AGBL1: variants seen among roughly 807,000 people sequenced by gnomAD.
AGBL1 encodes AGBL carboxypeptidase 1.
Under a neutral mutation model 118.9 loss-of-function variants are expected in AGBL1, and 130 were observed. The ratio of observed to expected loss-of-function variants is 1.09; its 90% CI spans 0.95 to 1.26. The LOEUF (loss-of-function observed/expected upper bound fraction) is 1.26. Ranked by LOEUF, AGBL1 falls within the 50% of genes most tolerant of loss-of-function variation. The probability of loss-of-function intolerance (pLI) is 0.00; values close to 1 mark genes in which losing one functional copy is unlikely to be tolerated. For missense variants in AGBL1, 1,584 were observed against 1,298.1 expected (o/e 1.22, Z -3.38); for synonymous variants, 555 against 478.9 (o/e 1.16, Z -2.08).
Position 86,999,706 on chromosome 15 carries a change from C to T in AGBL1, c.3323+11618C>T, listed in dbSNP as rs148502673. 3.6e-4 allele frequency among the ~76,000 whole-genome samples: 54 copies of T among 151,608 alleles called. No individual in the cohort carries two copies. In the East Asian group the frequency reaches 7.2e-3, roughly 20 times the overall value. On this transcript the variant is annotated intron_variant, in intron 24 of 24. Coordinates refer to the AGBL1 transcript ENST00000441037. ...AAACACACGGGTGCATGTGTCTTTACAGCAGCATGATTTATAGTCATTTGG... is the reference window on the plus strand; with the variant it reads ...AAACACACGGGTGCATGTGTCTTTATAGCAGCATGATTTATAGTCATTTGG...
At chr15:86,684,589 G>T (rs2086021618) in intron 22 of AGBL1, among the ~76,000 whole-genome samples, 1 of 151,794 alleles carries the variant, frequency 6.6e-6, no homozygotes, top group Admixed American at 6.6e-5. Flanking sequence ...CCAAAGTGCT[G>T]GGATTACAGA....
chr15:86,586,779 GTTAT>G (rs1282922395), intron 21 of AGBL1, among the ~76,000 whole-genome samples: 2 of 152,134 alleles, frequency 1.3e-5, no homozygotes, highest in Non-Finnish European at 2.9e-5. Flanking sequence ...AGGTTTAGGA[GTTAT>G]TTATTTGGCA....
chr15:86,958,454 A>G (rs962109179), intron 23 of AGBL1, among the ~76,000 whole-genome samples: 2 of 152,104 alleles, frequency 1.3e-5, no homozygotes, highest in African/African-American at 4.8e-5. Context: ...AATTATAAAG[A>G]AAAAGAAACA....
At chr15:87,007,012 C>T (rs1356821703) in intron 24 of AGBL1, among the ~76,000 whole-genome samples, 1 of 152,110 alleles carries the variant, frequency 6.6e-6, no homozygotes, top group African/African-American at 2.4e-5. Flanking sequence ...CTAAGTCATG[C>T]TCTATCTGAA....
At chr15:86,366,768 G>A (rs1333153364) in intron 17 of AGBL1, among the ~76,000 whole-genome samples, 2 of 152,194 alleles carry the variant, frequency 1.3e-5, no homozygotes, top group Non-Finnish European at 2.9e-5. Flanking sequence ...CCTCAGAGGT[G>A]CAGTCTCAGC....
rs143992510 is a variant in AGBL1, at chr15:86,942,401, C to T, written c.3222-45586C>T. Among the ~76,000 whole-genome samples the T allele has an allele frequency of 3.2e-3, 494 of 152,206 alleles. 6 individuals carry two copies. Among genetic ancestry groups the T allele is most frequent in the African/African-American group, 0.011 (457 of 41,540 alleles). On this transcript the variant is annotated intron_variant, in intron 23 of 24. Transcript: ENST00000441037. Reference sequence around the variant, plus strand: ...GACTCTACTGTCGGGAAGTTTCTTCCGAGGGTTTTAGAATTGTTTCAGTAA... The same window carrying T: ...GACTCTACTGTCGGGAAGTTTCTTCTGAGGGTTTTAGAATTGTTTCAGTAA...
At chr15:86,839,314 G>T (rs2079213960) in intron 22 of AGBL1, among the ~76,000 whole-genome samples, 1 of 152,158 alleles carries the variant, frequency 6.6e-6, no homozygotes, top group African/African-American at 2.4e-5. Flanking sequence ...TAGTGAAAAA[G>T]TCTTGCTTTA....
intron 17 of AGBL1, among the ~76,000 whole-genome samples, chr15:86,359,540 A>T (rs981239672): frequency 6.6e-6 from 1 of 150,588 alleles, no homozygotes; most frequent in African/African-American, 2.4e-5. Context: ...TTTGTGTTCC[A>T]TATCAGTTTT....
intron 5 of AGBL1, among the ~76,000 whole-genome samples, chr15:86,207,230 A>C (rs775974851): frequency 6.6e-5 from 10 of 152,178 alleles, no homozygotes; most frequent in Non-Finnish European, 1.3e-4. Context: ...GTATAGTTTG[A>C]AGTCAGGCAG....
chr15:86,525,993 A>G (rs1414100967), intron 19 of AGBL1, among the ~76,000 whole-genome samples: 1 of 152,216 alleles, frequency 6.6e-6, no homozygotes, highest in Non-Finnish European at 1.5e-5. Flanking sequence ...TCCAAAATCT[A>G]CAAGAAACTC....
chr15:86,545,742 G>A (rs542798655), intron 19 of AGBL1, among the ~76,000 whole-genome samples: 7 of 152,054 alleles, frequency 4.6e-5, no homozygotes, highest in South Asian at 2.1e-4. Context: ...CATGACTTGC[G>A]TTTCTTCGTA....
intron 22 of AGBL1, among the ~76,000 whole-genome samples, chr15:86,790,406 CT>C (rs1342681505): frequency 1.3e-5 from 2 of 151,944 alleles, no homozygotes; most frequent in Non-Finnish European, 2.9e-5. Flanking sequence ...AGTCCTGTAT[CT>C]TTTTTTAAAA....
At chr15:86,489,334 GT>G (rs1179517118) in intron 18 of AGBL1, among the ~76,000 whole-genome samples, 2 of 152,102 alleles carry the variant, frequency 1.3e-5, no homozygotes, top group Non-Finnish European at 2.9e-5. Flanking sequence ...TGTCAAATCT[GT>G]TTGGATCTGC....
chr15:86,569,134 T>G (rs964680338), intron 21 of AGBL1, among the ~76,000 whole-genome samples: 4 of 152,126 alleles, frequency 2.6e-5, no homozygotes, highest in African/African-American at 9.7e-5. Flanking sequence ...AAAATACAAA[T>G]ATGAAATCCA....
chr15:86,103,926 C>T (rs892429263), intron 1 of AGBL1, among the ~76,000 whole-genome samples: 1 of 152,076 alleles, frequency 6.6e-6, no homozygotes, highest in South Asian at 2.1e-4. Context: ...GTGGGCATGG[C>T]ATGAGTAATG....
chr15:86,183,940 T>C lies in AGBL1; in HGVS notation c.488+24914T>C, dbSNP rs920912748. Among the ~76,000 whole-genome samples the C allele has an allele frequency of 2.0e-5, 3 of 152,170 alleles. No homozygotes were observed. In the South Asian group the frequency reaches 6.2e-4, roughly 32 times the overall value. ...CAGAGAAACATGAGTCAGATCCAGATGGCAGCCACCCACTAATCCTCAGCA... is the reference window on the plus strand; with the variant it reads ...CAGAGAAACATGAGTCAGATCCAGACGGCAGCCACCCACTAATCCTCAGCA... On this transcript the variant is annotated intron_variant, in intron 5 of 22. Coordinates refer to ENST00000614907, the MANE Select transcript of AGBL1 (RefSeq NM_001386094.1).
At chr15:86,330,675 A>G (rs939468593) in intron 17 of AGBL1, among the ~76,000 whole-genome samples, 1 of 152,212 alleles carries the variant, frequency 6.6e-6, no homozygotes, top group African/African-American at 2.4e-5. Context: ...CAAAATATGG[A>G]TTGCAAAGAA....
intron 21 of AGBL1, among the ~76,000 whole-genome samples, chr15:86,580,557 A>G (rs1478208795): frequency 6.6e-6 from 1 of 151,902 alleles, no homozygotes; most frequent in East Asian, 1.9e-4. Flanking sequence ...TGGATCATTA[A>G]TTTTTTTCCT....
At chr15:86,080,955 C>A (rs1895239603) in intron 1 of AGBL1, among the ~76,000 whole-genome samples, 1 of 152,044 alleles carries the variant, frequency 6.6e-6, no homozygotes. Context: ...GGGTCCATGA[C>A]CCCATTCCCC....
Sources: allele counts gnomAD v4.1 joint callset (sites outside exome capture counted in the v4.1 genomes callset), GRCh38; gene constraint gnomAD v4.1.1; transcripts MANE v1.5; gene names NCBI Gene and HGNC (gene_info 2026-07-23, HGNC 2026-07-21).